USP46: variants seen among roughly 807,000 people sequenced by gnomAD.
USP46 encodes ubiquitin specific peptidase 46.
A neutral mutation model predicts 44.4 loss-of-function variants in USP46; 12 were observed. The observed-to-expected ratio is 0.27, with a 90% CI of 0.17 to 0.44. USP46 has a LOEUF of 0.44. Ranked by LOEUF, USP46 falls within the 20% of genes least tolerant of loss-of-function variation. The pLI is 1.00. For synonymous variants in USP46, 155 were observed against 161.5 expected, an observed-to-expected ratio of 0.96 and a Z score of 0.31; for missense variants, 248 against 444.8, an observed-to-expected ratio of 0.56 and a Z score of 3.98.
intron 2 of USP46, chr4:52,628,484 G>GA (rs549521286): frequency 2.2e-5 from 5 of 228,570 alleles, no homozygotes; most frequent in African/African-American, 8.9e-5. Context: ...AAGAGAAGGG[G>GA]AAAAAAATCT....
intron 1 of USP46, among the ~76,000 whole-genome samples, chr4:52,657,710 A>C (rs1309603459): frequency 2.6e-5 from 4 of 152,238 alleles, no homozygotes; most frequent in African/African-American, 9.6e-5. Flanking sequence ...AAGAGAAAAC[A>C]GAAAGGCTCT....
rs550227482 is a variant in USP46 at position 52,596,436 on chromosome 4, G to A, written c.*1204C>T. ...CAAAAGTGAAAAAAGTAACTATAGTGAGATGAGGTTCTTCCAAAAAAATTC... is the reference window on the plus strand; with the variant it reads ...CAAAAGTGAAAAAAGTAACTATAGTAAGATGAGGTTCTTCCAAAAAAATTC... On this transcript the variant is annotated 3_prime_UTR_variant, in exon 9 of 9. Transcript: ENST00000441222. The A allele has an allele frequency of 6.6e-6, 1 of 152,308 alleles. No individual in the cohort carries two copies. Among genetic ancestry groups the A allele is most frequent in the South Asian group, 2.1e-4 (1 of 4,826 alleles). The allele number at this position is 152,308 out of a possible 1,614,324, so 9.4% of individuals were successfully genotyped here.
intron 1 of USP46, among the ~76,000 whole-genome samples, chr4:52,634,509 CAAAAAAA>C (rs1167932000): frequency 1.5e-5 from 1 of 67,006 alleles, no homozygotes; most frequent in East Asian, 4.8e-4. Context: ...GACTTTGTCT[CAAAAAAA>C]AAAAAAAAAA....
intron 4 of USP46, among the ~76,000 whole-genome samples, chr4:52,617,142 G>A (rs1331641597): frequency 1.3e-5 from 2 of 152,120 alleles, no homozygotes; most frequent in Non-Finnish European, 2.9e-5. Flanking sequence ...TGAACAAATG[G>A]AAAGATATCT....
At chr4:52,630,306 A>G (rs898124883) in intron 2 of USP46, among the ~76,000 whole-genome samples, 3 of 152,202 alleles carry the variant, frequency 2.0e-5, no homozygotes, top group African/African-American at 7.2e-5. Flanking sequence ...TTCTCTCCCA[A>G]CCTGTCCTGC....
chr4:52,642,171 T>C (rs909587117), intron 1 of USP46, among the ~76,000 whole-genome samples: 2 of 152,186 alleles, frequency 1.3e-5, no homozygotes, highest in Non-Finnish European at 2.9e-5. Context: ...TCAAGGGTGA[T>C]TACAGAGGAA....
intron 1 of USP46, among the ~76,000 whole-genome samples, chr4:52,632,990 A>AAAAGAAAAGAAAAGAAAAGAAAGAAAG (rs1717961084): frequency 1.5e-5 from 1 of 66,294 alleles, no homozygotes; most frequent in Non-Finnish European, 3.0e-5. Context: ...GAAAGAAAAG[A>AAAAGAAAAGAAAAGAAAAGAAAGAAAG]AAAGAAAGAA....
intron 1 of USP46, among the ~76,000 whole-genome samples, chr4:52,658,013 T>C (rs1261100190): frequency 6.6e-6 from 1 of 152,192 alleles, no homozygotes; most frequent in Non-Finnish European, 1.5e-5. Flanking sequence ...TCAAGCTTCC[T>C]TGGATTCCCT....
At position 52,633,575 on chromosome 4, in the gene USP46, T is replaced by C. The variant is rs147186041; in HGVS notation, c.37-2431A>G. ...CATATTAAATATACCCCCATAACCA[T>C]TCTTCAAGCAAAATTAGGATATATG... On this transcript the variant is annotated intron_variant, in intron 1 of 8. Transcript: ENST00000441222. Among the ~76,000 whole-genome samples, 7 of 152,306 alleles carry C rather than the reference T, an allele frequency of 4.6e-5. No individual in the cohort carries two copies. The East Asian group carries it at 9.6e-4, about 21-fold the overall frequency.
At chr4:52,640,667 A>C (rs1328786855) in intron 1 of USP46, among the ~76,000 whole-genome samples, 1 of 151,888 alleles carries the variant, frequency 6.6e-6, no homozygotes, top group Non-Finnish European at 1.5e-5. Flanking sequence ...TTAGCCAGGC[A>C]TGGTGGCACA....
chr4:52,634,381 C>T (rs1468606486), intron 1 of USP46, among the ~76,000 whole-genome samples: 2 of 150,156 alleles, frequency 1.3e-5, no homozygotes, highest in African/African-American at 4.9e-5. Context: ...TGGTGGCAGC[C>T]GCCTGTAATC....
At position 52,621,089 on chromosome 4, in the gene USP46, T is replaced by C. The variant is rs148356994; in HGVS notation, c.561+4929A>G. 6.3e-3 allele frequency among the ~76,000 whole-genome samples: 965 copies of C among 152,124 alleles called. 13 individuals carry two copies. Among genetic ancestry groups the C allele is most frequent in the African/African-American group, 0.022 (918 of 41,484 alleles). ...ACTATATATTTCAGATATGCAAAAA[T>C]AGGTCACCAGTTCTATCAAACATTC... On this transcript the variant is annotated intron_variant, in intron 4 of 8. Coordinates refer to ENST00000441222, the MANE Select transcript of USP46 (RefSeq NM_022832.4).
Position 52,592,037 on chromosome 4 carries a change from G to A in USP46, c.*5603C>T, listed in dbSNP as rs574331516. The A allele has an allele frequency of 2.0e-5, 3 of 152,268 alleles. No homozygotes were observed. In the East Asian group the frequency reaches 5.8e-4, roughly 29 times the overall value. The allele number at this position is 152,268 out of a possible 1,614,324, so 9.4% of individuals were successfully genotyped here. A position where few individuals can be genotyped will look rare whatever the true frequency, so the allele number is the denominator to read the frequency against. On this transcript the variant is annotated 3_prime_UTR_variant, in exon 9 of 9. Coordinates refer to ENST00000441222, the MANE Select transcript of USP46 (RefSeq NM_022832.4). ...GTGTGGGGCTCCCAGGAAAAAAGAT[G>A]GTGTGGCTTCATCCAACAGTGCCAT...
chr4:52,637,214 A>AC (rs1317390255), intron 1 of USP46, among the ~76,000 whole-genome samples: 1 of 152,096 alleles, frequency 6.6e-6, no homozygotes, highest in African/African-American at 2.4e-5. Context: ...TGAGCTTCAA[A>AC]TCTGGCAAAC....
At chr4:52,658,543 A>C (rs1719045614) in intron 1 of USP46, among the ~76,000 whole-genome samples, 1 of 152,212 alleles carries the variant, frequency 6.6e-6, no homozygotes, top group Non-Finnish European at 1.5e-5. Context: ...CATGCGGAGC[A>C]AATTACGGTG....
At chr4:52,602,228 C>T (rs1716498974) in intron 6 of USP46, among the ~76,000 whole-genome samples, 174 bp from the exon 7 acceptor site, 1 of 152,182 alleles carries the variant, frequency 6.6e-6, no homozygotes, top group Non-Finnish European at 1.5e-5. Flanking sequence ...CTGACTTATC[C>T]TACATCCCTG....
chr4:52,597,921 T>C (rs370748658), intron 8 of USP46, among the ~76,000 whole-genome samples, 180 bp from the exon 9 acceptor site: 4 of 152,360 alleles, frequency 2.6e-5, no homozygotes, highest in South Asian at 2.1e-4. Context: ...CATCATCACA[T>C]AAATTGTACA....
chr4:52,615,823 A>G (rs1490085846), intron 4 of USP46, among the ~76,000 whole-genome samples: 1 of 152,224 alleles, frequency 6.6e-6, no homozygotes, highest in Non-Finnish European at 1.5e-5. Context: ...AAATTACTTA[A>G]AGAAAAAAAA....
In USP46 at chr4:52,632,990, A is replaced by AAAAGAAAGAAAGAAAG. The variant is rs71195120; in HGVS notation, c.37-1862_37-1847dup. On this transcript the variant is annotated intron_variant, in intron 1 of 8. Coordinates refer to ENST00000441222, the MANE Select transcript of USP46 (RefSeq NM_022832.4). ...AAAGAAAGAAAGAAAGAAAGAAAAG[A>AAAAGAAAGAAAGAAAG]AAAGAAAGAAAGAAAGAAAGAAAGA... is the stretch of plus-strand genomic sequence containing the variant. Among the ~76,000 whole-genome samples, 215 of 66,292 alleles carry AAAAGAAAGAAAGAAAG rather than the reference A, an allele frequency of 3.2e-3. 3 individuals carry two copies. The highest frequency in any genetic ancestry group is 8.3e-3 in the Middle Eastern group (1 of 120). The allele number at this position is 66,292 out of a possible 152,430, so 43.5% of individuals were successfully genotyped here.
Sources: gnomAD v4.1 joint callset for allele counts (sites outside exome capture counted in the v4.1 genomes callset) on GRCh38, gnomAD v4.1.1 for gene constraint, MANE v1.5 for transcripts, NCBI Gene and HGNC (gene_info 2026-07-23, HGNC 2026-07-21) for gene names.